BTBD1: variants seen among roughly 807,000 people sequenced by gnomAD.
The protein encoded by BTBD1 is BTB domain containing 1, also known as BTB/POZ domain-containing protein 1.
A neutral mutation model predicts 48.0 loss-of-function variants in BTBD1; 34 were observed. That is an observed-to-expected ratio of 0.71 (90% CI 0.54 to 0.94). The LOEUF is 0.94. BTBD1 is among the 40% of genes least tolerant of loss of function. The probability of loss-of-function intolerance (pLI) is 0.00; values close to 1 mark genes in which losing one functional copy is unlikely to be tolerated. For missense variants in BTBD1, 543 were observed against 625.6 expected (o/e 0.87, Z 1.41); for synonymous variants, 261 against 242.1 (o/e 1.08, Z -0.72).
rs1225346183 is a variant in BTBD1 at position 83,016,975 on chromosome 15, G to A, written c.*1092C>T. The A allele has an allele frequency of 6.6e-6, 1 of 152,388 alleles. No homozygotes were observed. The highest frequency in any genetic ancestry group is 1.5e-5 in the Non-Finnish European group (1 of 68,016). The allele number at this position is 152,388 out of a possible 1,614,324, so 9.4% of individuals were successfully genotyped here. The stretch of plus-strand genomic sequence containing the variant: ...GAATCACTTTCAAGGGAAAAAAATG[G>A]ATGTTACTATATTTTAAAATCTGCT... On this transcript the variant is annotated 3_prime_UTR_variant, in exon 8 of 8. Transcript: ENST00000261721.
At chr15:83,063,728 C>T (rs1038625006) in intron 1 of BTBD1, among the ~76,000 whole-genome samples, 2 of 152,210 alleles carry the variant, frequency 1.3e-5, no homozygotes, top group Non-Finnish European at 2.9e-5. Flanking sequence ...TCTGGCCTAT[C>T]TTTTTGACCT....
At chr15:83,029,944 C>T in intron 5 of BTBD1, 192 bp downstream of exon 5, 1 of 626,774 alleles carries the variant, frequency 1.6e-6, no homozygotes, top group Non-Finnish European at 2.8e-6. Flanking sequence ...AAGAAGTCAC[C>T]CTCACTCATA....
intron 3 of BTBD1, among the ~76,000 whole-genome samples, chr15:83,043,750 G>T (rs946947894): frequency 7.9e-5 from 12 of 152,062 alleles, no homozygotes; most frequent in African/African-American, 2.9e-4. Flanking sequence ...GAGGGATGAG[G>T]GTGGCATCAA....
chr15:83,047,337 A>G (rs777566390), intron 3 of BTBD1, among the ~76,000 whole-genome samples: 12 of 152,190 alleles, frequency 7.9e-5, no homozygotes, highest in Non-Finnish European at 1.5e-4. Flanking sequence ...ATTCAGGGGA[A>G]GAAGGATCCT....
intron 5 of BTBD1, among the ~76,000 whole-genome samples, chr15:83,021,782 A>G (rs1448335484): frequency 6.7e-6 from 1 of 148,812 alleles, no homozygotes; most frequent in Non-Finnish European, 1.5e-5. Flanking sequence ...ATATGGAACT[A>G]AAAGCCTGTA....
At chr15:83,042,532 G>A (rs1349216238) in intron 3 of BTBD1, among the ~76,000 whole-genome samples, 1 of 151,472 alleles carries the variant, frequency 6.6e-6, no homozygotes, top group Non-Finnish European at 1.5e-5. Flanking sequence ...TACTGGCACG[G>A]GCCACCACAC....
chr15:83,053,445 C>T (rs1200914899), intron 2 of BTBD1, among the ~76,000 whole-genome samples: 1 of 152,200 alleles, frequency 6.6e-6, no homozygotes, highest in Admixed American at 6.5e-5. Flanking sequence ...TGCTACCCAA[C>T]ATGTACTCCA....
chr15:83,054,985 C>T (rs139333609), intron 2 of BTBD1, among the ~76,000 whole-genome samples: 3 of 152,080 alleles, frequency 2.0e-5, no homozygotes, highest in African/African-American at 4.8e-5. Context: ...TTAATTTTCC[C>T]GTTTGTAAAA....
At position 83,030,306 on chromosome 15, in the gene BTBD1, C is replaced by A; in HGVS notation, c.885G>T (p.Leu295Phe). Residue 295 changes from leucine (L) to phenylalanine (F), a missense_variant, in exon 5 of 8, where the codon TTG becomes TTT. By Grantham distance (22) the Leu-to-Phe change is conservative (BLOSUM62 0). Around this residue, in one of 3 missense-constraint regions of BTBD1, gnomAD observed 300 missense variants for 350.0 expected, o/e 0.86. Coordinates refer to ENST00000261721, the MANE Select transcript of BTBD1 (RefSeq NM_025238.4). ...FAAGPAQSGI[L>F]SDREVVNLFL... ...AGAGGTTTACCACTTCACGATCTGA[C>A]AAAATTCCAGATTGAGCAGGACCTG... 2 of 1,613,624 alleles carry A rather than the reference C, an allele frequency of 1.2e-6. No individual in the cohort carries two copies. Among genetic ancestry groups the A allele is most frequent in the South Asian group, 1.1e-5 (1 of 91,050 alleles).
Position 83,055,270 on chromosome 15 carries a change from T to A in BTBD1, c.558+1119A>T, listed in dbSNP as rs567485129. Among the ~76,000 whole-genome samples, 41 of 150,182 alleles carry A rather than the reference T, an allele frequency of 2.7e-4. 2 individuals carry two copies. The South Asian group carries it at 7.9e-3, about 29-fold the overall frequency. On this transcript the variant is annotated intron_variant, in intron 2 of 7. Transcript: ENST00000261721. ...TACACTTAGAATACGTGTACTTTCTTTTTTTGAGACAGCGTTTCCCTCTGT... is the reference window on the plus strand; with the variant it reads ...TACACTTAGAATACGTGTACTTTCTATTTTTGAGACAGCGTTTCCCTCTGT...
At chr15:83,051,490 T>A (rs1411643647) in intron 2 of BTBD1, among the ~76,000 whole-genome samples, 2 of 148,426 alleles carry the variant, frequency 1.3e-5, no homozygotes, top group Non-Finnish European at 3.0e-5. Context: ...ATATATATAT[T>A]TTAAGTTTAA....
At chr15:83,019,845 T>C (rs2032254410) in intron 6 of BTBD1, among the ~76,000 whole-genome samples, 1 of 151,478 alleles carries the variant, frequency 6.6e-6, no homozygotes, top group South Asian at 2.1e-4. Context: ...TCCACCTTCC[T>C]TGGCCTCCCA....
chr15:83,046,707 T>C (rs2032886165), intron 3 of BTBD1, among the ~76,000 whole-genome samples: 1 of 152,180 alleles, frequency 6.6e-6, no homozygotes, highest in Non-Finnish European at 1.5e-5. Context: ...CATTAACAAC[T>C]TGGGCAGTGT....
At chr15:83,061,328 A>C (rs2033172951) in intron 1 of BTBD1, among the ~76,000 whole-genome samples, 1 of 152,218 alleles carries the variant, frequency 6.6e-6, no homozygotes, top group Admixed American at 6.5e-5. Context: ...CTGTTCACCA[A>C]AATGCCATTA....
intron 1 of BTBD1, among the ~76,000 whole-genome samples, chr15:83,064,921 G>C (rs1296010848): frequency 1.3e-5 from 2 of 151,896 alleles, no homozygotes; most frequent in East Asian, 1.9e-4. Flanking sequence ...AAAGAATAAA[G>C]AAGAAAAAAA....
chr15:83,019,290 G>T (rs1180254873), intron 6 of BTBD1, among the ~76,000 whole-genome samples: 1 of 151,926 alleles, frequency 6.6e-6, no homozygotes, highest in Non-Finnish European at 1.5e-5. Flanking sequence ...TCCAACTCTT[G>T]GTCTCAAGCG....
intron 4 of BTBD1, among the ~76,000 whole-genome samples, chr15:83,037,614 C>T (rs2032654689): frequency 6.6e-6 from 1 of 152,250 alleles, no homozygotes; most frequent in East Asian, 1.9e-4. Flanking sequence ...AGGCATTCAC[C>T]TTGAAATTAG....
At chr15:83,048,703 T>C (rs182646306) in intron 3 of BTBD1, among the ~76,000 whole-genome samples, 1 of 152,220 alleles carries the variant, frequency 6.6e-6, no homozygotes, top group African/African-American at 2.4e-5. Context: ...AATTTTACCA[T>C]GAGCTAACTG....
chr15:83,042,348 T>TTATATATATATATATATATGTATATATA (rs2032777958), intron 3 of BTBD1, among the ~76,000 whole-genome samples: 1 of 109,878 alleles, frequency 9.1e-6, no homozygotes, highest in African/African-American at 3.7e-5. Context: ...TTAGGCAATT[T>TTATATATATATATATATATGTATATATA]TATATATATA....
Sources: allele counts gnomAD v4.1 joint callset (sites outside exome capture counted in the v4.1 genomes callset), GRCh38; gene constraint gnomAD v4.1.1; regional missense constraint gnomAD v4.1.1; transcripts MANE v1.5; gene names NCBI Gene and HGNC (gene_info 2026-07-23, HGNC 2026-07-21).